PARD3B: variants seen among roughly 807,000 people sequenced by gnomAD.
PARD3B encodes the protein par-3 family cell polarity regulator beta.
A neutral mutation model predicts 130.2 loss-of-function variants in PARD3B; 103 were observed. That is an observed-to-expected ratio of 0.79 (90% CI 0.67 to 0.93). PARD3B has a LOEUF of 0.93. Ranked by LOEUF, PARD3B falls within the 40% of genes least tolerant of loss-of-function variation. PARD3B has a pLI of 0.00. For missense variants in PARD3B, 1,609 were observed against 1,499.2 expected (o/e 1.07, Z -1.21); for synonymous variants, 583 against 553.2 (o/e 1.05, Z -0.76).
intron 19 of PARD3B, among the ~76,000 whole-genome samples, chr2:205,438,808 T>G (rs1476102459): frequency 6.6e-6 from 1 of 152,196 alleles, no homozygotes; most frequent in African/African-American, 2.4e-5. Flanking sequence ...TTCTAATTAC[T>G]TCTGTGTAGG....
At chr2:205,519,612 G>A (rs2050948595) in intron 21 of PARD3B, among the ~76,000 whole-genome samples, 2 of 152,270 alleles carry the variant, frequency 1.3e-5, no homozygotes, top group East Asian at 1.9e-4. Flanking sequence ...AAGAACTCTT[G>A]TTAGAGAGCT....
At chr2:204,999,202 C>T (rs1465670659) in intron 3 of PARD3B, among the ~76,000 whole-genome samples, 1 of 151,746 alleles carries the variant, frequency 6.6e-6, no homozygotes, top group East Asian at 1.9e-4. Context: ...TTCTTTTCAA[C>T]CCTAAAATCC....
chr2:205,191,075 G>GAAAAAAAAAAAA (rs5837960), intron 14 of PARD3B, among the ~76,000 whole-genome samples: 3 of 97,728 alleles, frequency 3.1e-5, no homozygotes, highest in Admixed American at 9.8e-5. Flanking sequence ...GAAAGAAATA[G>GAAAAAAAAAAAA]AAAAAAAAAA....
rs1559238513 is a variant in PARD3B, at chr2:205,581,386, AATAT to A, written c.3260+27989_3260+27992del. 5.0e-5 allele frequency among the ~76,000 whole-genome samples: 4 copies of A among 80,356 alleles called. No homozygotes were observed. In the Admixed American group the frequency reaches 6.8e-4, roughly 14 times the overall value. 52.7% of individuals were successfully genotyped at this position (80,356 alleles called of 152,430 possible). On this transcript the variant is annotated intron_variant, in intron 22 of 22. Transcript: ENST00000406610. ...GTACGTGTGTATGTATGTATATATA[AATAT>A]ATATAAATATATATATAAGTATATA... is the stretch of plus-strand genomic sequence containing the variant.
At chr2:205,360,149 T>C (rs753435363) in intron 18 of PARD3B, among the ~76,000 whole-genome samples, 1 of 152,210 alleles carries the variant, frequency 6.6e-6, no homozygotes, top group Non-Finnish European at 1.5e-5. Context: ...ATTTCTCTCA[T>C]TGCTAATGAG....
chr2:204,789,636 T>G (rs2042130447), intron 2 of PARD3B, among the ~76,000 whole-genome samples: 1 of 152,196 alleles, frequency 6.6e-6, no homozygotes, highest in South Asian at 2.1e-4. Flanking sequence ...TTCTGCAATT[T>G]TTTTAAGATG....
chr2:204,921,263 T>C (rs771457376), intron 2 of PARD3B, among the ~76,000 whole-genome samples: 2 of 152,178 alleles, frequency 1.3e-5, no homozygotes, highest in Admixed American at 6.5e-5. Flanking sequence ...AAGAAAGTTA[T>C]AGGTGGTTAT....
At position 204,943,938 on chromosome 2, in the gene PARD3B, A is replaced by G. The variant is rs1689109878; in HGVS notation, c.223-21214A>G. Among the ~76,000 whole-genome samples, 1 of 152,246 alleles carries G rather than the reference A, an allele frequency of 6.6e-6. No homozygotes were observed. The highest frequency in any genetic ancestry group is 2.4e-5 in the African/African-American group (1 of 41,484). Reference sequence around the variant, plus strand: ...AAATAAATGCTAGCAATAAGTTAGTAAAAGTAGAAAAGGGGACTAAACATT... The same window carrying G: ...AAATAAATGCTAGCAATAAGTTAGTGAAAGTAGAAAAGGGGACTAAACATT... On this transcript the variant is annotated intron_variant, in intron 2 of 22. Transcript: ENST00000406610. The surrounding 1 kb of genome is among the most constrained non-coding windows in gnomAD (Gnocchi z 4.2).
intron 2 of PARD3B, among the ~76,000 whole-genome samples, chr2:204,934,048 G>A (rs968243384): frequency 2.0e-5 from 3 of 152,188 alleles, no homozygotes; most frequent in African/African-American, 7.2e-5. Context: ...GGAGGCTTAA[G>A]TGTAACCAGG....
chr2:204,685,461 T>G (rs1320062185), intron 1 of PARD3B, among the ~76,000 whole-genome samples: 1 of 152,226 alleles, frequency 6.6e-6, no homozygotes, highest in Non-Finnish European at 1.5e-5. Flanking sequence ...CTAGATTATT[T>G]AATTCTAAAT....
intron 10 of PARD3B, among the ~76,000 whole-genome samples, chr2:205,150,817 C>G (rs896075580): frequency 2.6e-5 from 4 of 152,096 alleles, no homozygotes; most frequent in African/African-American, 9.7e-5. Context: ...CAGTTGAACT[C>G]ACAGAGTAGA....
Position 205,553,347 on chromosome 2 carries a change from G to A in PARD3B, c.3204G>A (p.Gly1068=). 1 of 1,614,028 alleles carries A rather than the reference G, an allele frequency of 6.2e-7. No individual in the cohort carries two copies. Among genetic ancestry groups the A allele is most frequent in the Non-Finnish European group, 8.5e-7 (1 of 1,179,926 alleles). The stretch of plus-strand genomic sequence containing the variant: ...AGGTGCCTGGAAGGGGTCCAGATGG[G>A]AATGCACACAACCTCCGCTTTGAAG... The part of the protein sequence containing the change: ...LLWVPGRGPD[G]NAHNLRFEGM... The change falls in exon 22 of 23, where the codon GGG becomes GGA. Residue 1068 remains glycine (G), a synonymous_variant. Coordinates refer to ENST00000406610, the MANE Select transcript of PARD3B (RefSeq NM_001302769.2).
intron 2 of PARD3B, among the ~76,000 whole-genome samples, chr2:204,750,406 A>C (rs1309784058): frequency 6.6e-6 from 1 of 152,134 alleles, no homozygotes; most frequent in Non-Finnish European, 1.5e-5. Context: ...CAACACGACA[A>C]AACCCCATCT....
At chr2:205,596,243 C>T (rs79229528) in intron 22 of PARD3B, among the ~76,000 whole-genome samples, 162 of 152,306 alleles carry the variant, frequency 1.1e-3, no homozygotes, top group African/African-American at 3.8e-3. Flanking sequence ...CACAAGTCAT[C>T]AATACCTAAG....
Position 205,116,573 on chromosome 2 carries a change from A to G in PARD3B, c.681-2348A>G, listed in dbSNP as rs1466979784. Among the ~76,000 whole-genome samples the G allele has an allele frequency of 6.6e-6, 1 of 152,236 alleles. No homozygotes were observed. Among genetic ancestry groups the G allele is most frequent in the Non-Finnish European group, 1.5e-5 (1 of 68,040 alleles). On this transcript the variant is annotated intron_variant, in intron 6 of 22. Transcript: ENST00000406610. The surrounding 1 kb of genome is among the most constrained non-coding windows in gnomAD (Gnocchi z 4.5). ...TAGTCTCGGCCTATAACTCCTCGAC[A>G]GCATTAATCTTTAAATTCTGCGAGT...
chr2:204,889,686 A>C (rs2046380675), intron 2 of PARD3B, among the ~76,000 whole-genome samples: 1 of 152,230 alleles, frequency 6.6e-6, no homozygotes, highest in South Asian at 2.1e-4. Flanking sequence ...AAATTCATTT[A>C]TGATGTTAAA....
At position 204,890,749 on chromosome 2, in the gene PARD3B, CT is replaced by C. The variant is rs2046414924; in HGVS notation, c.223-74402del. On this transcript the variant is annotated intron_variant, in intron 2 of 22. Coordinates refer to ENST00000406610, the MANE Select transcript of PARD3B (RefSeq NM_001302769.2). The surrounding 1 kb of genome is among the most constrained non-coding windows in gnomAD (Gnocchi z 4.9). ...AGCCACAGGGAGGCAGGGATGTCCC[CT>C]CTTGCTCAGCCTCCCATCCTGTGTT... Among the ~76,000 whole-genome samples, 1 of 152,208 alleles carries C rather than the reference CT, an allele frequency of 6.6e-6. No individual in the cohort carries two copies. Among genetic ancestry groups the C allele is most frequent in the South Asian group, 2.1e-4 (1 of 4,834 alleles).
At chr2:204,821,273 T>C (rs114472248) in intron 2 of PARD3B, among the ~76,000 whole-genome samples, 12,445 of 152,122 alleles carry the variant, frequency 0.082, 635 homozygotes, top group African/African-American at 0.14. Context: ...CCAGGAGATC[T>C]GATAGTTTTA....
chr2:205,495,168 A>G (rs1204846564), intron 20 of PARD3B, among the ~76,000 whole-genome samples: 2 of 152,182 alleles, frequency 1.3e-5, no homozygotes, highest in Non-Finnish European at 2.9e-5. Context: ...TCTGAAATCC[A>G]TTACAACTTT....
Sources: allele counts gnomAD v4.1 joint callset (sites outside exome capture counted in the v4.1 genomes callset), GRCh38; gene constraint gnomAD v4.1.1; non-coding constraint Gnocchi (gnomAD v3.1); transcripts MANE v1.5; gene names NCBI Gene and HGNC (gene_info 2026-07-23, HGNC 2026-07-21).